Variants in POLR2B observed in about 807,000 individuals in gnomAD.
The protein encoded by POLR2B is RNA polymerase II subunit B.
POLR2B carries 57 observed loss-of-function variants against 144.6 expected under a neutral mutation model. The ratio of observed to expected loss-of-function variants is 0.39; its 90% CI spans 0.32 to 0.49. The LOEUF (loss-of-function observed/expected upper bound fraction) is 0.49, where lower values mean the gene tolerates loss of function less well. Among genes scored for constraint, POLR2B ranks in the 20% least tolerant of loss-of-function variants. The pLI is 0.83. For synonymous variants in POLR2B, 442 were observed against 469.8 expected, an observed-to-expected ratio of 0.94 and a Z score of 0.77; for missense variants, 595 against 1,467.4, an observed-to-expected ratio of 0.41 and a Z score of 9.71.
chr4:56,992,717 G>T (rs2109658460), intron 3 of POLR2B, among the ~76,000 whole-genome samples: 2 of 150,768 alleles, frequency 1.3e-5, no homozygotes, highest in Admixed American at 6.6e-5. Flanking sequence ...CTGCCACCAC[G>T]CCCGGCTATT....
At chr4:57,014,548 G>T (rs530803436) in intron 13 of POLR2B, among the ~76,000 whole-genome samples, 1 of 130,998 alleles carries the variant, frequency 7.6e-6, no homozygotes, top group East Asian at 2.3e-4. Flanking sequence ...TGTTGCCCAG[G>T]CTGGAGTGCA....
intron 22 of POLR2B, 101 bp from the exon 23 acceptor site, chr4:57,025,276 C>G: frequency 1.1e-6 from 1 of 895,868 alleles, no homozygotes; most frequent in Non-Finnish European, 1.8e-6. Flanking sequence ...TAGTTCTGTG[C>G]TTTAATTTTT....
At position 57,017,879 on chromosome 4, in the gene POLR2B, T is replaced by C. The variant is rs1723420401; in HGVS notation, c.2323+151T>C. ...GGGAAACATGAACATAATAAAAAGGTAGGTATGTGGAAAGTGTTTTGGTGG... is the reference window on the plus strand; with the variant it reads ...GGGAAACATGAACATAATAAAAAGGCAGGTATGTGGAAAGTGTTTTGGTGG... On this transcript the variant is annotated intron_variant, in intron 16 of 24. Transcript: ENST00000314595. This position sits in a 1 kb window ranked among gnomAD's most constrained non-coding sequence, Gnocchi z 4.8. 3 of 577,516 alleles carry C rather than the reference T, an allele frequency of 5.2e-6. No homozygotes were observed. In the East Asian group the frequency reaches 8.9e-5, roughly 17 times the overall value. The allele number at this position is 577,516 out of a possible 1,614,324, so 35.8% of individuals were successfully genotyped here.
intron 13 of POLR2B, among the ~76,000 whole-genome samples, chr4:57,012,841 T>G (rs1413394284): frequency 6.6e-6 from 1 of 151,930 alleles, no homozygotes; most frequent in Non-Finnish European, 1.5e-5. Flanking sequence ...ATTTTTGTAT[T>G]TCTATTTTTA....
intron 22 of POLR2B, 21 bp downstream of exon 22, chr4:57,025,020 G>A: frequency 8.4e-7 from 1 of 1,191,872 alleles, no homozygotes; most frequent in South Asian, 1.3e-5. Flanking sequence ...TCTTATAGTA[G>A]TAATTTGCCA....
chr4:57,009,193 A>G (rs997150579), intron 10 of POLR2B, among the ~76,000 whole-genome samples: 1 of 152,206 alleles, frequency 6.6e-6, no homozygotes, highest in Non-Finnish European at 1.5e-5. Context: ...AACTCCAATG[A>G]GTACAGAAAA....
rs199961097 is a variant in POLR2B at position 57,025,379 on chromosome 4, C to G, written c.3081C>G (p.Val1027=). 6.2e-7 allele frequency: 1 copy of G among 1,611,866 alleles called. No individual in the cohort carries two copies. Among genetic ancestry groups the G allele is most frequent in the Non-Finnish European group, 8.5e-7 (1 of 1,177,996 alleles). Residue 1027 remains valine (V), a splice_region_variant and synonymous_variant, in exon 23 of 25, where the codon GTC becomes GTG. Coordinates refer to ENST00000314595, the MANE Select transcript of POLR2B (RefSeq NM_000938.3). ...TTCAAAATCTGTGTTTGTTGCAGGTCCTGTACAATGGGTTCACTGGTCGAA... is the reference window on the plus strand; with the variant it reads ...TTCAAAATCTGTGTTTGTTGCAGGTGCTGTACAATGGGTTCACTGGTCGAA... ...DYGYHLRGNE[V]LYNGFTGRKI...
At chr4:57,000,205 G>T (rs1308538242) in intron 7 of POLR2B, among the ~76,000 whole-genome samples, 1 of 152,200 alleles carries the variant, frequency 6.6e-6, no homozygotes, top group Non-Finnish European at 1.5e-5. Flanking sequence ...GGAGGCCAGG[G>T]CGGGAGGATC....
intron 23 of POLR2B, among the ~76,000 whole-genome samples, chr4:57,029,846 C>T (rs953548664): frequency 6.6e-6 from 1 of 152,168 alleles, no homozygotes; most frequent in Admixed American, 6.5e-5. Context: ...ACTTAAGAAT[C>T]TAATGTATCC....
At chr4:57,014,635 C>T (rs904919336) in intron 13 of POLR2B, among the ~76,000 whole-genome samples, 2 of 151,166 alleles carry the variant, frequency 1.3e-5, no homozygotes, top group Non-Finnish European at 2.9e-5. Flanking sequence ...CCTGAGTAGC[C>T]GGGACTACAG....
chr4:57,016,974 C>T (rs922851127), intron 14 of POLR2B, 69 bp from the exon 15 acceptor site: 3 of 673,558 alleles, frequency 4.5e-6, no homozygotes, highest in Admixed American at 2.9e-5. Context: ...TATAGGAATA[C>T]TTTTAAGTAG....
intron 2 of POLR2B, among the ~76,000 whole-genome samples, chr4:56,987,317 T>TA (rs1160567483): frequency 6.6e-6 from 1 of 152,196 alleles, no homozygotes; most frequent in African/African-American, 2.4e-5. Context: ...GTAATAAAAT[T>TA]ACGAGAAGCC....
At chr4:56,990,277 G>C (rs952586485) in intron 2 of POLR2B, among the ~76,000 whole-genome samples, 2 of 151,958 alleles carry the variant, frequency 1.3e-5, no homozygotes, top group African/African-American at 4.8e-5. Context: ...CTAGGCTGGA[G>C]TGCAATGATG....
At chr4:56,995,192 C>T (rs2293175) in intron 5 of POLR2B, 59 bp from the exon 6 acceptor site, 520,348 of 1,293,208 alleles carry the variant, frequency 0.4, 106,224 homozygotes, top group Admixed American at 0.53. Context: ...ATTTTACTCT[C>T]TTTTCTCTTC....
At chr4:57,022,977 T>A (rs545024742) in intron 18 of POLR2B, among the ~76,000 whole-genome samples, 2 of 152,248 alleles carry the variant, frequency 1.3e-5, no homozygotes, top group African/African-American at 2.4e-5. Context: ...CTTTTTAATT[T>A]AAAAAAATTT....
intron 2 of POLR2B, among the ~76,000 whole-genome samples, chr4:56,987,630 C>T (rs938451698): frequency 6.6e-6 from 1 of 152,178 alleles, no homozygotes; most frequent in Non-Finnish European, 1.5e-5. Flanking sequence ...CCTATAATCC[C>T]AGCACTTTGG....
intron 1 of POLR2B, among the ~76,000 whole-genome samples, chr4:56,981,010 C>G (rs1202070031): frequency 2.0e-5 from 3 of 152,016 alleles, no homozygotes; most frequent in Non-Finnish European, 4.4e-5. Context: ...TCCACGTTGG[C>G]CAGGCTGATC....
intron 16 of POLR2B, among the ~76,000 whole-genome samples, chr4:57,019,759 CTTTTTTTT>C (rs71208972): frequency 3.1e-5 from 3 of 98,194 alleles, no homozygotes; most frequent in Non-Finnish European, 6.2e-5. Context: ...CTAATGATGT[CTTTTTTTT>C]TTTTTTTTTT....
At chr4:57,010,238 A>T in intron 10 of POLR2B, 123 bp from the exon 11 acceptor site, 1 of 859,066 alleles carries the variant, frequency 1.2e-6, no homozygotes, top group Non-Finnish European at 1.8e-6. Context: ...TCAGGGAAAG[A>T]ATAGAGAAAT....
Sources: gnomAD v4.1 joint callset for allele counts (sites outside exome capture counted in the v4.1 genomes callset) on GRCh38, gnomAD v4.1.1 for gene constraint, Gnocchi (gnomAD v3.1) non-coding constraint, MANE v1.5 for transcripts, NCBI Gene and HGNC (gene_info 2026-07-23, HGNC 2026-07-21) for gene names.